Variants in SIAH3 observed in about 807,000 individuals in gnomAD.
The protein encoded by SIAH3 is siah E3 ubiquitin protein ligase family member 3.
In SIAH3, 9 loss-of-function variants were observed where a neutral mutation model predicts 12.6. The observed-to-expected ratio is 0.72, with a 90% CI of 0.43 to 1.25. The LOEUF (loss-of-function observed/expected upper bound fraction) is 1.25, where lower values mean the gene tolerates loss of function less well. SIAH3 is among the 50% of genes most tolerant of loss of function. The probability of loss-of-function intolerance (pLI) is 0.00; values close to 1 mark genes in which losing one functional copy is unlikely to be tolerated. For missense variants in SIAH3, 390 were observed against 365.4 expected, an observed-to-expected ratio of 1.07 and a Z score of -0.55; for synonymous variants, 154 against 151.1, an observed-to-expected ratio of 1.02 and a Z score of -0.14.
Position 45,840,212 on chromosome 13 carries a change from C to T in SIAH3, c.135+11283G>A, listed in dbSNP as rs112732469. 2.6e-5 allele frequency among the ~76,000 whole-genome samples: 4 copies of T among 152,140 alleles called. No individual in the cohort carries two copies. In the South Asian group the frequency reaches 6.2e-4, roughly 24 times the overall value. ...GGCAGAGATTGCAGTGAGTTGAGAT[C>T]GCACCACTCCCCTCCAGCCTGGGTG... On this transcript the variant is annotated intron_variant, in intron 1 of 1. Transcript: ENST00000400405.
chr13:45,816,625 A>G (rs1194108794), intron 1 of SIAH3, among the ~76,000 whole-genome samples: 1 of 152,168 alleles, frequency 6.6e-6, no homozygotes, highest in Non-Finnish European at 1.5e-5. Flanking sequence ...GGCTCACTGC[A>G]CTGTGCACCT....
Position 45,825,919 on chromosome 13 carries a change from C to A in SIAH3, c.135+25576G>T, listed in dbSNP as rs905959683. Among the ~76,000 whole-genome samples, 54 of 152,308 alleles carry A rather than the reference C, an allele frequency of 3.5e-4. 1 individual carries two copies. Among genetic ancestry groups the A allele is most frequent in the Middle Eastern group, 6.8e-3 (2 of 294 alleles). On this transcript the variant is annotated intron_variant, in intron 1 of 1. Transcript: ENST00000400405. ...CCTCCCCTGACCATGAAGACCAAAA[C>A]CCAAGTCTCTCAGCATTCAAAGATC...
intron 1 of SIAH3, among the ~76,000 whole-genome samples, chr13:45,809,119 C>G (rs1950607931): frequency 6.6e-6 from 1 of 152,172 alleles, no homozygotes; most frequent in African/African-American, 2.4e-5. Context: ...GGACATAAAT[C>G]CTGAGGCTGC....
intron 1 of SIAH3, among the ~76,000 whole-genome samples, chr13:45,807,275 A>AT (rs988650670): frequency 7.7e-6 from 1 of 130,558 alleles, no homozygotes; most frequent in African/African-American, 2.7e-5. Context: ...ACACCAGAAT[A>AT]CTAAAAAAAA....
At chr13:45,801,136 G>A (rs916340808) in intron 1 of SIAH3, among the ~76,000 whole-genome samples, 3 of 151,794 alleles carry the variant, frequency 2.0e-5, no homozygotes, top group African/African-American at 4.8e-5. Context: ...TTTGGCCTCC[G>A]GGAGTTCGCC....
chr13:45,843,032 C>CTGTGTG (rs746384493), intron 1 of SIAH3, among the ~76,000 whole-genome samples: 65 of 127,014 alleles, frequency 5.1e-4, no homozygotes, highest in African/African-American at 1.7e-3. Context: ...CTCTCTCTCT[C>CTGTGTG]TCTGTGTGTG....
chr13:45,822,650 T>C (rs1051577189), intron 1 of SIAH3, among the ~76,000 whole-genome samples: 4 of 127,266 alleles, frequency 3.1e-5, no homozygotes, highest in African/African-American at 1.5e-4. Flanking sequence ...TTTGATTTCC[T>C]AATTTTGAAA....
intron 1 of SIAH3, among the ~76,000 whole-genome samples, chr13:45,791,798 C>G (rs1950546436): frequency 1.3e-5 from 2 of 152,204 alleles, no homozygotes; most frequent in South Asian, 4.1e-4. Context: ...TTGGGAAGGA[C>G]AGTCTGCTGG....
At chr13:45,847,392 G>A (rs1364462569) in intron 1 of SIAH3, among the ~76,000 whole-genome samples, 1 of 152,126 alleles carries the variant, frequency 6.6e-6, no homozygotes, top group Non-Finnish European at 1.5e-5. Context: ...GGCAAAGGTG[G>A]GCACACATCT....
At chr13:45,809,272 C>G (rs563332438) in intron 1 of SIAH3, among the ~76,000 whole-genome samples, 3 of 152,218 alleles carry the variant, frequency 2.0e-5, no homozygotes, top group East Asian at 3.8e-4. Flanking sequence ...TTGTTCCACC[C>G]TTAAGGCTAC....
chr13:45,811,442 C>T (rs951106676), intron 1 of SIAH3, among the ~76,000 whole-genome samples: 1 of 152,096 alleles, frequency 6.6e-6, no homozygotes, highest in Non-Finnish European at 1.5e-5. Flanking sequence ...TTTTTTGAGA[C>T]ACGGTCTTGC....
At chr13:45,792,207 T>G (rs1359539) in intron 1 of SIAH3, among the ~76,000 whole-genome samples, 119,269 of 151,974 alleles carry the variant, frequency 0.78, 47,688 homozygotes, top group Admixed American at 0.86. Flanking sequence ...TTTCAGGGGT[T>G]GGGGTATAAG....
intron 1 of SIAH3, among the ~76,000 whole-genome samples, chr13:45,845,521 C>A (rs1950756379): frequency 6.6e-6 from 1 of 152,126 alleles, no homozygotes; most frequent in South Asian, 2.1e-4. Context: ...CCCTTTTGAT[C>A]TATTTCTTTG....
intron 1 of SIAH3, among the ~76,000 whole-genome samples, chr13:45,843,295 C>T (rs1950747449): frequency 1.3e-5 from 2 of 152,088 alleles, no homozygotes; most frequent in African/African-American, 4.8e-5. Flanking sequence ...CTCACAGGGA[C>T]ATGCAGTTTC....
intron 1 of SIAH3, among the ~76,000 whole-genome samples, chr13:45,831,219 T>TAAATAAATA (rs1555259210): frequency 1.1e-4 from 15 of 140,516 alleles, no homozygotes; most frequent in African/African-American, 4.1e-4. Context: ...AATAAATAAA[T>TAAATAAATA]AAATAAAATA....
chr13:45,835,530 T>G (rs1950714633), intron 1 of SIAH3, among the ~76,000 whole-genome samples: 1 of 152,174 alleles, frequency 6.6e-6, no homozygotes, highest in Non-Finnish European at 1.5e-5. Context: ...TCAGAACAAC[T>G]GGAGGAGGCA....
rs139915652 is a variant in SIAH3 at position 45,820,890 on chromosome 13, C to T, written c.135+30605G>A. 4.8e-3 allele frequency among the ~76,000 whole-genome samples: 737 copies of T among 152,278 alleles called. 9 individuals are homozygous for T. The highest frequency in any genetic ancestry group is 0.017 in the African/African-American group (712 of 41,558). On this transcript the variant is annotated intron_variant, in intron 1 of 1. Coordinates refer to ENST00000400405, the MANE Select transcript of SIAH3 (RefSeq NM_198849.3). The stretch of plus-strand genomic sequence containing the variant: ...GATGCCTGCCCTCTGGCCCTCTGCA[C>T]GTAACATACTCTCTTCCAGGAATTT...
intron 1 of SIAH3, among the ~76,000 whole-genome samples, chr13:45,784,399 T>G (rs1008536497): frequency 3.2e-5 from 1 of 31,610 alleles, no homozygotes; most frequent in South Asian, 1.1e-3. Flanking sequence ...AAGACAGCTG[T>G]TTTTTTTTTT....
In SIAH3 at chr13:45,851,590, G is replaced by C; in HGVS notation, c.40C>G (p.Leu14Val). Residue 14 changes from leucine (L) to valine (V), a missense_variant, in exon 1 of 2, where the codon CTC becomes GTC. Transcript: ENST00000400405. ...FTQCFGAVLDLIHLRFQHYKA... is the reference protein window; with the variant it reads ...FTQCFGAVLDVIHLRFQHYKA... ...TAGTGCTGAAACCGGAGATGAATGA[G>C]ATCTAATACAGCCCCAAAGCACTGG... 6.2e-7 allele frequency: 1 copy of C among 1,614,180 alleles called. No homozygotes were observed.
Sources: allele counts gnomAD v4.1 joint callset (sites outside exome capture counted in the v4.1 genomes callset), GRCh38; gene constraint gnomAD v4.1.1; transcripts MANE v1.5; gene names NCBI Gene and HGNC (gene_info 2026-07-23, HGNC 2026-07-21).